Variants in KCNQ3 observed in about 807,000 individuals in gnomAD.
KCNQ3 encodes potassium voltage-gated channel subfamily KQT member 3.
A neutral mutation model predicts 92.5 loss-of-function variants in KCNQ3; 30 were observed. The observed-to-expected ratio is 0.32, with a 90% CI of 0.24 to 0.44. The LOEUF is 0.44. Among genes scored for constraint, KCNQ3 ranks in the 20% least tolerant of loss-of-function variants. The probability of loss-of-function intolerance (pLI) is 1.00; values close to 1 mark genes in which losing one functional copy is unlikely to be tolerated. For synonymous variants in KCNQ3, 450 were observed against 468.8 expected (o/e 0.96, Z 0.52); for missense variants, 913 against 1,140.3 (o/e 0.80, Z 2.87).
rs548089451 is a variant in KCNQ3, at chr8:132,187,906, G to A, written c.387-1725C>T. Reference sequence around the variant, plus strand: ...GGTGGCGGTGGTGGTGGTGGTGATGGTGGTGGTGGTGTTGGTGGTGATAGT... The same window carrying A: ...GGTGGCGGTGGTGGTGGTGGTGATGATGGTGGTGGTGTTGGTGGTGATAGT... On this transcript the variant is annotated intron_variant, in intron 1 of 14. Coordinates refer to ENST00000388996, the MANE Select transcript of KCNQ3 (RefSeq NM_004519.4). Among the ~76,000 whole-genome samples, 182 of 90,146 alleles carry A rather than the reference G, an allele frequency of 2.0e-3. 1 individual carries two copies. Among genetic ancestry groups the A allele is most frequent in the Middle Eastern group, 4.3e-3 (1 of 232 alleles). 59.1% of individuals were successfully genotyped at this position (90,146 alleles called of 152,430 possible). A position where few individuals can be genotyped will look rare whatever the true frequency, so the allele number is the denominator to read the frequency against.
intron 13 of KCNQ3, among the ~76,000 whole-genome samples, chr8:132,132,853 T>C (rs369420416): frequency 4.5e-4 from 69 of 152,366 alleles, no homozygotes; most frequent in African/African-American, 1.6e-3. Flanking sequence ...CTGGTTAGTT[T>C]CAACATTTTT....
chr8:132,389,152 T>C (rs549986156), intron 1 of KCNQ3, among the ~76,000 whole-genome samples: 1 of 152,306 alleles, frequency 6.6e-6, no homozygotes, highest in East Asian at 1.9e-4. Flanking sequence ...TCTCACTGCA[T>C]TAAAAGTAAG....
At chr8:132,327,888 C>A (rs956232983) in intron 1 of KCNQ3, among the ~76,000 whole-genome samples, 1 of 151,998 alleles carries the variant, frequency 6.6e-6, no homozygotes, top group Non-Finnish European at 1.5e-5. Context: ...TACAGAGGAC[C>A]CCACCTGTAC....
intron 1 of KCNQ3, among the ~76,000 whole-genome samples, chr8:132,226,513 G>A (rs6987299): frequency 0.45 from 69,084 of 151,942 alleles, 16,000 homozygotes; most frequent in Middle Eastern, 0.52. Flanking sequence ...AAGTAGCCAA[G>A]GTCCAAATTA....
chr8:132,169,058 C>G (rs1826228520), intron 8 of KCNQ3, among the ~76,000 whole-genome samples: 1 of 152,138 alleles, frequency 6.6e-6, no homozygotes, highest in Non-Finnish European at 1.5e-5. Context: ...AGTGAAAAGA[C>G]CATGGGCTTT....
At chr8:132,270,098 T>C (rs1002018971) in intron 1 of KCNQ3, among the ~76,000 whole-genome samples, 9 of 150,692 alleles carry the variant, frequency 6.0e-5, no homozygotes, top group African/African-American at 2.2e-4. Flanking sequence ...ACCTGCAGCT[T>C]CCCTAGGATT....
chr8:132,370,473 G>A (rs11998311), intron 1 of KCNQ3, among the ~76,000 whole-genome samples: 6,183 of 152,258 alleles, frequency 0.041, 368 homozygotes, highest in African/African-American at 0.13. Flanking sequence ...TGTGGGGACA[G>A]GGCAGCATCT....
In KCNQ3 at chr8:132,480,429, G is replaced by T; in HGVS notation, c.104C>A (p.Ala35Glu). 1.4e-6 allele frequency: 2 copies of T among 1,463,106 alleles called. No individual in the cohort carries two copies. Among genetic ancestry groups the T allele is most frequent in the African/African-American group, 2.9e-5 (2 of 68,744 alleles). The allele number at this position is 1,463,106 out of a possible 1,614,324, so 90.6% of individuals were successfully genotyped here. A position where few individuals can be genotyped will look rare whatever the true frequency, so the allele number is the denominator to read the frequency against. ...AANPAGGDAA[A>E]AGDEERKVGL... ...CACTTTCCGCTCCTCGTCGCCGGCC[G>T]CCGCCGCGTCCCCTCCGGCTGGGTT... Residue 35 changes from alanine (A) to glutamate (E), a missense_variant, in exon 1 of 15, where the codon GCG (alanine) becomes GAG (glutamate). Around this residue, in one of 6 missense-constraint regions of KCNQ3, gnomAD observed 183 missense variants for 167.7 expected, o/e 1.09. Transcript: ENST00000388996.
chr8:132,387,367 A>G (rs529781161), intron 1 of KCNQ3, among the ~76,000 whole-genome samples: 1 of 152,348 alleles, frequency 6.6e-6, no homozygotes, highest in African/African-American at 2.4e-5. Flanking sequence ...GTCGTTCCCA[A>G]TTTTTAAAAA....
intron 1 of KCNQ3, among the ~76,000 whole-genome samples, chr8:132,251,516 G>T (rs1181260726): frequency 1.3e-5 from 2 of 152,166 alleles, no homozygotes; most frequent in African/African-American, 4.8e-5. Flanking sequence ...TGTTTTTGTG[G>T]TCTCTTCCAA....
At chr8:132,365,087 C>A (rs947138781) in intron 1 of KCNQ3, among the ~76,000 whole-genome samples, 1 of 152,146 alleles carries the variant, frequency 6.6e-6, no homozygotes, top group African/African-American at 2.4e-5. Flanking sequence ...TTACATTTTG[C>A]CTGTGCTGTT....
At chr8:132,387,835 T>C (rs1395337684) in intron 1 of KCNQ3, among the ~76,000 whole-genome samples, 1 of 151,924 alleles carries the variant, frequency 6.6e-6, no homozygotes, top group Non-Finnish European at 1.5e-5. Context: ...ATCCCATCTC[T>C]ACAAAAAAAA....
At chr8:132,459,438 A>AGATCACAG (rs1389517306) in intron 1 of KCNQ3, among the ~76,000 whole-genome samples, 12 of 152,192 alleles carry the variant, frequency 7.9e-5, no homozygotes, top group Admixed American at 7.9e-4. Flanking sequence ...GTATGTGCAG[A>AGATCACAG]GATCACAGGA....
At chr8:132,400,967 C>G (rs1820316540) in intron 1 of KCNQ3, among the ~76,000 whole-genome samples, 1 of 152,208 alleles carries the variant, frequency 6.6e-6, no homozygotes, top group African/African-American at 2.4e-5. Flanking sequence ...TGTTAATTCC[C>G]CTAGCCTTTG....
chr8:132,237,868 C>G (rs1814867154), intron 1 of KCNQ3, among the ~76,000 whole-genome samples: 1 of 152,166 alleles, frequency 6.6e-6, no homozygotes, highest in African/African-American at 2.4e-5. Flanking sequence ...TGAGTTGAGT[C>G]TAAGGTATTA....
intron 1 of KCNQ3, among the ~76,000 whole-genome samples, chr8:132,228,014 C>T (rs532449291): frequency 6.6e-6 from 1 of 151,874 alleles, no homozygotes; most frequent in Admixed American, 6.5e-5. Context: ...ATAAATCCAA[C>T]ATGATTGTGT....
chr8:132,174,033 AGAG>A (rs1186240367), intron 6 of KCNQ3, among the ~76,000 whole-genome samples: 2 of 152,208 alleles, frequency 1.3e-5, no homozygotes, highest in African/African-American at 4.8e-5. Context: ...CAGCATTGAA[AGAG>A]GAGTTGATGT....
intron 1 of KCNQ3, among the ~76,000 whole-genome samples, chr8:132,276,703 C>T (rs988814158): frequency 5.3e-5 from 8 of 152,174 alleles, no homozygotes; most frequent in African/African-American, 1.9e-4. Flanking sequence ...TGGTCAGCAC[C>T]ATCCACCCCA....
intron 1 of KCNQ3, among the ~76,000 whole-genome samples, chr8:132,270,511 T>C (rs1239994272): frequency 6.6e-6 from 1 of 152,236 alleles, no homozygotes; most frequent in Non-Finnish European, 1.5e-5. Flanking sequence ...TGCGCCTCAG[T>C]ACCTTCATAT....
Sources: allele counts gnomAD v4.1 joint callset (sites outside exome capture counted in the v4.1 genomes callset), GRCh38; gene constraint gnomAD v4.1.1; regional missense constraint gnomAD v4.1.1; transcripts MANE v1.5; gene names NCBI Gene and HGNC (gene_info 2026-07-23, HGNC 2026-07-21).